AMD1: variants seen among roughly 807,000 people sequenced by gnomAD.
The protein encoded by AMD1 is S-adenosylmethionine decarboxylase proenzyme.
Under a neutral mutation model 40.2 loss-of-function variants are expected in AMD1, and 11 were observed. The observed-to-expected ratio is 0.27, with a 90% CI of 0.17 to 0.45. AMD1 has a LOEUF of 0.45. AMD1 is among the 20% of genes least tolerant of loss of function. The pLI, the probability that AMD1 is intolerant of heterozygous loss-of-function variation, is 1.00. For missense variants in AMD1, 257 were observed against 410.2 expected (o/e 0.63, Z 3.23); for synonymous variants, 121 against 130.8 (o/e 0.93, Z 0.51).
chr6:110,819,743 A>G, the AMD1 span, among the ~76,000 whole-genome samples: 2 of 152,192 alleles, frequency 1.3e-5, no homozygotes, highest in Non-Finnish European at 2.9e-5. Context: ...CCAGGAAGCT[A>G]GGTGTTTTTA....
chr6:110,814,813 G>C, the AMD1 span: 4 of 728,428 alleles, frequency 5.5e-6, no homozygotes, highest in Non-Finnish European at 9.4e-6. Flanking sequence ...GCGGGAGTTC[G>C]AGGTACGCGA....
rs1402881896 is a variant in AMD1, at chr6:110,895,428, C to CT, written c.*1814dup. The CT allele has an allele frequency of 1.0e-4, 15 of 150,070 alleles. No homozygotes were observed. Among genetic ancestry groups the CT allele is most frequent in the Non-Finnish European group, 1.3e-4 (9 of 67,716 alleles). The allele number at this position is 150,070 out of a possible 1,614,324, so 9.3% of individuals were successfully genotyped here. On this transcript the variant is annotated 3_prime_UTR_variant, in exon 9 of 9. Transcript: ENST00000368885. ...AACAATATCCCAATAGATTTGTTGA[C>CT]TTGAGGTCTGGTTTGGTTTTGTTTT... is the stretch of plus-strand genomic sequence containing the variant.
chr6:110,878,399 T>C lies in AMD1; in HGVS notation c.110+3184T>C, dbSNP rs183931391. Among the ~76,000 whole-genome samples, 28 of 152,344 alleles carry C rather than the reference T, an allele frequency of 1.8e-4. No homozygotes were observed. In the East Asian group the frequency reaches 5.4e-3, roughly 29 times the overall value. On this transcript the variant is annotated intron_variant, in intron 1 of 8. Transcript: ENST00000368885. ...TTTACTAAACACTGCTTCCCTCTTG[T>C]AGACCATTTAAGATATTTTATCTTA... is the stretch of plus-strand genomic sequence containing the variant.
the AMD1 span, among the ~76,000 whole-genome samples, chr6:110,850,831 T>G: frequency 6.6e-6 from 1 of 152,224 alleles, no homozygotes; most frequent in African/African-American, 2.4e-5. Context: ...GCGTGGTGAT[T>G]ACTTGGAAAG....
rs11549421 is a variant in AMD1, at chr6:110,895,304, C to G, written c.*1688C>G. On this transcript the variant is annotated 3_prime_UTR_variant, in exon 9 of 9. Transcript: ENST00000368885. ...TTGAAAATTTCATTGAGGAAGTTTT[C>G]AATCAGTGTGATCAGTTTGATTCTG... The G allele has an allele frequency of 6.6e-6, 1 of 152,096 alleles. No homozygotes were observed. The highest frequency in any genetic ancestry group is 2.1e-4 in the South Asian group (1 of 4,824). The allele number at this position is 152,096 out of a possible 1,614,324, so 9.4% of individuals were successfully genotyped here.
At chr6:110,843,261 G>A in the AMD1 span, among the ~76,000 whole-genome samples, 1 of 151,920 alleles carries the variant, frequency 6.6e-6, no homozygotes. Context: ...TCAGAAGTTG[G>A]AGACTAGCCT....
At chr6:110,861,799 G>A in the AMD1 span, among the ~76,000 whole-genome samples, 1,419 of 151,864 alleles carry the variant, frequency 9.3e-3, 23 homozygotes, top group African/African-American at 0.031. Context: ...CCAAGATTGC[G>A]CCACTGCACT....
chr6:110,855,049 A>AAT, the AMD1 span, among the ~76,000 whole-genome samples: 2 of 146,448 alleles, frequency 1.4e-5, no homozygotes, highest in Non-Finnish European at 3.0e-5. Context: ...TGCATGGCTT[A>AAT]AAGTTCTCTC....
chr6:110,851,315 A>G, the AMD1 span, among the ~76,000 whole-genome samples: 2 of 152,076 alleles, frequency 1.3e-5, no homozygotes, highest in African/African-American at 4.8e-5. Flanking sequence ...TTGCCCAGGC[A>G]GGTCTTGAAC....
At chr6:110,887,254 T>C in intron 1 of AMD1, among the ~76,000 whole-genome samples, 1 of 152,178 alleles carries the variant, frequency 6.6e-6, no homozygotes, top group Non-Finnish European at 1.5e-5. Context: ...CTTTGAACAT[T>C]TTTTTGCCTA....
intron 1 of AMD1, among the ~76,000 whole-genome samples, chr6:110,878,327 A>T (rs1374717737): frequency 6.6e-6 from 1 of 152,204 alleles, no homozygotes; most frequent in African/African-American, 2.4e-5. Context: ...AACTTGGCTC[A>T]TCAGTCCAAG....
At chr6:110,830,188 T>G in the AMD1 span, among the ~76,000 whole-genome samples, 1 of 152,058 alleles carries the variant, frequency 6.6e-6, no homozygotes, top group African/African-American at 2.4e-5. Flanking sequence ...CTAATTTTTT[T>G]GTATTTTTAT....
the AMD1 span, among the ~76,000 whole-genome samples, chr6:110,856,940 G>A: frequency 2.0e-5 from 3 of 151,888 alleles, no homozygotes; most frequent in African/African-American, 7.3e-5. Context: ...AAGGCAGGTG[G>A]ATCATTTGAG....
the AMD1 span, among the ~76,000 whole-genome samples, chr6:110,836,037 A>AAG: frequency 5.4e-5 from 8 of 149,348 alleles, no homozygotes; most frequent in Admixed American, 3.3e-4. Context: ...AAAAAAAAAA[A>AAG]TCACTGAAGC....
chr6:110,874,818 G>A lies in AMD1; in HGVS notation c.-288G>A, dbSNP rs1392600484. 1 of 319,268 alleles carries A rather than the reference G, an allele frequency of 3.1e-6. No individual in the cohort carries two copies. Among genetic ancestry groups the A allele is most frequent in the Non-Finnish European group, 5.8e-6 (1 of 171,062 alleles). The allele number at this position is 319,268 out of a possible 1,614,324, so 19.8% of individuals were successfully genotyped here. ...AGTATGGCCGGCGACATTAGCTAGC[G>A]CTCGCTCTACTCTCTCTAACGGGAA... On this transcript the variant is annotated 5_prime_UTR_variant, in exon 1 of 9. Transcript: ENST00000368885.
the AMD1 span, among the ~76,000 whole-genome samples, chr6:110,856,085 A>G: frequency 6.6e-6 from 1 of 152,136 alleles, no homozygotes; most frequent in Admixed American, 6.6e-5. Flanking sequence ...GTCTCAAAAA[A>G]TAAATAAAAA....
chr6:110,839,027 A>G, the AMD1 span, among the ~76,000 whole-genome samples: 1 of 152,168 alleles, frequency 6.6e-6, no homozygotes. Context: ...TCAGCCTCCC[A>G]AAGTGCTGGG....
the AMD1 span, among the ~76,000 whole-genome samples, chr6:110,842,715 G>T: frequency 6.6e-6 from 1 of 152,092 alleles, no homozygotes; most frequent in Non-Finnish European, 1.5e-5. Flanking sequence ...TGAAAATTAA[G>T]TTGGTCTTAG....
chr6:110,852,200 A>ATTTTTTTTTTTTT, the AMD1 span, among the ~76,000 whole-genome samples: 1 of 51,308 alleles, frequency 1.9e-5, no homozygotes, highest in African/African-American at 6.1e-5. Flanking sequence ...CGCCTGGCTA[A>ATTTTTTTTTTTTT]TTTTTTTTTT....
Sources: gnomAD v4.1 joint callset for allele counts (sites outside exome capture counted in the v4.1 genomes callset) on GRCh38, gnomAD v4.1.1 for gene constraint, MANE v1.5 for transcripts, NCBI Gene and HGNC (gene_info 2026-07-23, HGNC 2026-07-21) for gene names.